ASAP2: variants seen among roughly 807,000 people sequenced by gnomAD.
ASAP2 encodes ArfGAP with SH3 domain, ankyrin repeat and PH domain 2.
In ASAP2, 45 loss-of-function variants were observed where a neutral mutation model predicts 131.4. That is an observed-to-expected ratio of 0.34 (90% confidence interval 0.27 to 0.44). The LOEUF (loss-of-function observed/expected upper bound fraction) is 0.44, where lower values mean the gene tolerates loss of function less well. ASAP2 is among the 20% of genes least tolerant of loss of function. ASAP2 has a pLI of 1.00. For synonymous variants in ASAP2, 510 were observed against 503.0 expected, an observed-to-expected ratio of 1.01 and a Z score of -0.19; for missense variants, 1,011 against 1,297.0, an observed-to-expected ratio of 0.78 and a Z score of 3.39.
intron 16 of ASAP2, among the ~76,000 whole-genome samples, chr2:9,370,424 G>A (rs1673858282): frequency 6.6e-6 from 1 of 152,136 alleles, no homozygotes; most frequent in East Asian, 1.9e-4. Context: ...TTACATACCA[G>A]GCATGAGGTT....
At chr2:9,343,952 C>A (rs1385691935) in intron 9 of ASAP2, among the ~76,000 whole-genome samples, 1 of 152,326 alleles carries the variant, frequency 6.6e-6, no homozygotes, top group Admixed American at 6.5e-5. Flanking sequence ...GTCAGACCCC[C>A]CTTACTCAAG....
intron 22 of ASAP2, among the ~76,000 whole-genome samples, chr2:9,388,917 CTTTT>C (rs1675510353): frequency 6.6e-6 from 1 of 152,198 alleles, no homozygotes; most frequent in Admixed American, 6.5e-5. Flanking sequence ...TTCATTCTTC[CTTTT>C]TATTTCTCTT....
At chr2:9,358,003 C>T (rs1221685752) in intron 14 of ASAP2, among the ~76,000 whole-genome samples, 2 of 152,182 alleles carry the variant, frequency 1.3e-5, no homozygotes, top group Non-Finnish European at 2.9e-5. Flanking sequence ...GGGTCCCTAT[C>T]ATCTGCTAAA....
In ASAP2 at chr2:9,377,083, T is replaced by C. The variant is rs1405967748; in HGVS notation, c.1832+90T>C. On this transcript the variant is annotated intron_variant, in intron 18 of 27. Transcript: ENST00000281419. The stretch of plus-strand genomic sequence containing the variant: ...ACGCTGCCTCATCGCTTCTGATGTG[T>C]TGTCAGGAGAACCTTCCCAGTTCTA... 5.2e-6 allele frequency: 6 copies of C among 1,160,530 alleles called. No homozygotes were observed. The Admixed American group carries it at 5.6e-5, about 11-fold the overall frequency. The allele number at this position is 1,160,530 out of a possible 1,614,324, so 71.9% of individuals were successfully genotyped here.
chr2:9,356,338 G>A lies in ASAP2; in HGVS notation c.1320G>A (p.Gly440=), dbSNP rs751649452. The change falls in exon 14 of 28, where the codon GGG becomes GGA. Residue 440 remains glycine (G), a synonymous_variant. Coordinates refer to ENST00000281419, the MANE Select transcript of ASAP2 (RefSeq NM_003887.3). Reference sequence around the variant, plus strand: ...GCAATGACGTCTGCTGTGACTGTGGGGCGCCAGGTGACCCAGGGACCCCAC... The same window carrying A: ...GCAATGACGTCTGCTGTGACTGTGGAGCGCCAGGTGACCCAGGGACCCCAC... The part of the protein sequence containing the change: ...MTGNDVCCDC[G]APDPTWLSTN... The A allele has an allele frequency of 6.3e-7, 1 of 1,590,878 alleles. No individual in the cohort carries two copies. Among genetic ancestry groups the A allele is most frequent in the South Asian group, 1.2e-5 (1 of 86,948 alleles).
chr2:9,388,511 G>T lies in ASAP2; in HGVS notation c.2348G>T (p.Ser783Ile). 6.2e-7 allele frequency: 1 copy of T among 1,613,322 alleles called. No individual in the cohort carries two copies. The highest frequency in any genetic ancestry group is 8.5e-7 in the Non-Finnish European group (1 of 1,179,766). Residue 783 changes from serine to isoleucine, a missense_variant, in exon 22 of 28, where the codon AGC becomes ATC. Physicochemically the swap from Ser to Ile is moderately radical, Grantham distance 142. Around this residue, in one of 2 missense-constraint regions of ASAP2, gnomAD observed 652 missense variants for 698.9 expected, o/e 0.93. Coordinates refer to ENST00000281419, the MANE Select transcript of ASAP2 (RefSeq NM_003887.3). ...CAGCCTGCAGCCCCCAGCACCACCAGCGCCCCCCCGCTTCCTCCACGGAAT... is the reference window on the plus strand; with the variant it reads ...CAGCCTGCAGCCCCCAGCACCACCATCGCCCCCCCGCTTCCTCCACGGAAT... ...PAQPAAPSTTSAPPLPPRNVG... is the reference protein window; with the variant it reads ...PAQPAAPSTTIAPPLPPRNVG...
chr2:9,334,711 A>C lies in ASAP2; in HGVS notation c.687-27A>C. Reference sequence around the variant, plus strand: ...ATTATTTTTTCCTTTGTGAAATGTCATCTCTGTTTCTTCTTTTTCCTGCTA... The same window carrying C: ...ATTATTTTTTCCTTTGTGAAATGTCCTCTCTGTTTCTTCTTTTTCCTGCTA... On this transcript the variant is annotated intron_variant, in intron 7 of 27. Coordinates refer to ENST00000281419, the MANE Select transcript of ASAP2 (RefSeq NM_003887.3). 1.9e-6 allele frequency: 3 copies of C among 1,597,892 alleles called. 1 individual carries two copies. In the South Asian group the frequency reaches 3.4e-5, roughly 18 times the overall value.
At chr2:9,271,089 G>A (rs550828047) in intron 1 of ASAP2, among the ~76,000 whole-genome samples, 7 of 145,814 alleles carry the variant, frequency 4.8e-5, no homozygotes, top group Non-Finnish European at 1.1e-4. Context: ...CACCGCGCCC[G>A]GCCCTGTTTT....
At chr2:9,256,162 C>CAAAAAAAAA (rs71389235) in intron 1 of ASAP2, among the ~76,000 whole-genome samples, 4 of 86,834 alleles carry the variant, frequency 4.6e-5, no homozygotes, top group Non-Finnish European at 1.0e-4. Flanking sequence ...GGGTCCCCTG[C>CAAAAAAAAA]AAAAAAAAAA....
chr2:9,316,192 C>T (rs865814849), intron 3 of ASAP2, among the ~76,000 whole-genome samples: 2 of 151,912 alleles, frequency 1.3e-5, no homozygotes, highest in African/African-American at 2.4e-5. Flanking sequence ...CATGTTGGCC[C>T]GTGCCTATAG....
intron 3 of ASAP2, among the ~76,000 whole-genome samples, chr2:9,303,071 TC>T (rs35350089): frequency 1.3e-5 from 2 of 152,216 alleles, no homozygotes; most frequent in African/African-American, 4.8e-5. Context: ...CCTCAGTACT[TC>T]CATAGACTTT....
chr2:9,375,565 G>A (rs1216439657), intron 17 of ASAP2, among the ~76,000 whole-genome samples: 1 of 152,092 alleles, frequency 6.6e-6, no homozygotes, highest in Non-Finnish European at 1.5e-5. Context: ...ATTTAAAATC[G>A]ACTCAGTTTT....
intron 6 of ASAP2, 57 bp from the exon 7 acceptor site, chr2:9,327,769 C>G: frequency 7.6e-7 from 1 of 1,315,106 alleles, no homozygotes; most frequent in East Asian, 2.5e-5. Flanking sequence ...CTCAGAAGCT[C>G]CTTTTAAACT....
chr2:9,240,131 A>G (rs1051462076), intron 1 of ASAP2, among the ~76,000 whole-genome samples: 4 of 151,898 alleles, frequency 2.6e-5, no homozygotes, highest in Non-Finnish European at 4.4e-5. Flanking sequence ...AAGCCCCATT[A>G]TCCCTGGGGG....
intron 1 of ASAP2, among the ~76,000 whole-genome samples, chr2:9,236,426 C>G (rs1403780872): frequency 6.6e-6 from 1 of 151,860 alleles, no homozygotes; most frequent in Non-Finnish European, 1.5e-5. Flanking sequence ...GTTTTTTAAC[C>G]TGTGTTGTGC....
intron 1 of ASAP2, among the ~76,000 whole-genome samples, chr2:9,275,483 A>G (rs1666702102): frequency 6.6e-6 from 1 of 152,228 alleles, no homozygotes; most frequent in African/African-American, 2.4e-5. Flanking sequence ...TGAGAGAGAC[A>G]GCACAGATCT....
At chr2:9,393,880 T>C (rs1330510594) in intron 24 of ASAP2, among the ~76,000 whole-genome samples, 1 of 152,248 alleles carries the variant, frequency 6.6e-6, no homozygotes, top group East Asian at 1.9e-4. Flanking sequence ...CAAAGTGTCC[T>C]CAACACACAA....
rs138929075 is a variant in ASAP2, at chr2:9,339,621, C to T, written c.849+4442C>T. Among the ~76,000 whole-genome samples the T allele has an allele frequency of 3.1e-3, 474 of 152,184 alleles. 4 individuals carry two copies. The highest frequency in any genetic ancestry group is 4.9e-3 in the Non-Finnish European group (334 of 68,004). On this transcript the variant is annotated intron_variant, in intron 9 of 27. Transcript: ENST00000281419. ...ACCAAATTCCCTTCCCTCATGGTGT[C>T]GCGCTCTTAGAGGTTCAACAGGAAT...
At position 9,395,376 on chromosome 2, in the gene ASAP2, G is replaced by A. The variant is rs1433952154; in HGVS notation, c.2684+1729G>A. The stretch of plus-strand genomic sequence containing the variant: ...TGTAATCCCAGCTACTCAGGAGGCT[G>A]AGGCAGGAGAATCCCTTGAACCCAG... On this transcript the variant is annotated intron_variant, in intron 24 of 27. Coordinates refer to ENST00000281419, the MANE Select transcript of ASAP2 (RefSeq NM_003887.3). 2.0e-5 allele frequency among the ~76,000 whole-genome samples: 3 copies of A among 151,966 alleles called. No homozygotes were observed. In the East Asian group the frequency reaches 5.9e-4, roughly 30 times the overall value.
Sources: gnomAD v4.1 joint callset for allele counts (sites outside exome capture counted in the v4.1 genomes callset) on GRCh38, gnomAD v4.1.1 for gene constraint, gnomAD v4.1.1 regional missense constraint, MANE v1.5 for transcripts, NCBI Gene and HGNC (gene_info 2026-07-23, HGNC 2026-07-21) for gene names.